TET3: variants seen among roughly 807,000 people sequenced by gnomAD.
The protein encoded by TET3 is tet methylcytosine dioxygenase 3, also known as methylcytosine dioxygenase TET3.
A neutral mutation model predicts 141.4 loss-of-function variants in TET3; 19 were observed. That is an observed-to-expected ratio of 0.13 (90% CI 0.09 to 0.20). TET3 has a LOEUF of 0.20. Among genes scored for constraint, TET3 ranks in the 10% least tolerant of loss-of-function variants. The pLI is 1.00. For synonymous variants in TET3, 1,043 were observed against 980.9 expected (o/e 1.06, Z -1.18); for missense variants, 1,874 against 2,356.9 (o/e 0.80, Z 4.24).
At chr2:74,022,977 A>G (rs370669669) in intron 3 of TET3, among the ~76,000 whole-genome samples, 1 of 151,900 alleles carries the variant, frequency 6.6e-6, no homozygotes, top group South Asian at 2.1e-4. Flanking sequence ...GGTTTCACCA[A>G]ATTGACCAGG....
intron 3 of TET3, among the ~76,000 whole-genome samples, chr2:74,026,034 G>T (rs1686331029): frequency 6.6e-6 from 1 of 152,206 alleles, no homozygotes. Flanking sequence ...CTAGTTGTGT[G>T]TCATCAGCAA....
chr2:74,047,875 G>T lies in TET3; in HGVS notation c.1958G>T (p.Gly653Val), dbSNP rs549222166. 6 of 1,612,932 alleles carry T rather than the reference G, an allele frequency of 3.7e-6. No homozygotes were observed. In the African/African-American group the frequency reaches 5.3e-5, roughly 14 times the overall value. The change falls in exon 4 of 12, where the codon GGC becomes GTC. Residue 653 changes from glycine to valine, a missense_variant. By Grantham distance (109) the Gly-to-Val change is moderately radical (BLOSUM62 -3). This residue lies in a region of TET3 where 484 missense variants were observed against 462.2 expected (regional missense o/e 1.05). Coordinates refer to ENST00000409262, the MANE Select transcript of TET3 (RefSeq NM_001287491.2). ...HPPAPLPASQ[G>V]SAVPLPPEPS... is the part of the protein sequence containing the mutation. ...CCGGCCCCTCTGCCTGCCTCACAGG[G>T]CTCTGCTGTGCCCCTGCCCCCAGAA...
At chr2:73,987,845 G>C (rs1410953107) in intron 2 of TET3, among the ~76,000 whole-genome samples, 5 of 152,212 alleles carry the variant, frequency 3.3e-5, no homozygotes, top group Admixed American at 6.5e-5. Flanking sequence ...GGCTGGCGTT[G>C]GGCTGGCAGC....
At chr2:74,134,418 C>T in the TET3 span, 2 of 277,134 alleles carry the variant, frequency 7.2e-6, no homozygotes, top group East Asian at 1.9e-4. Flanking sequence ...AAAACGGGGG[C>T]ACAATGTATG....
chr2:74,083,564 ATC>A (rs1689951854), intron 6 of TET3, among the ~76,000 whole-genome samples: 1 of 152,192 alleles, frequency 6.6e-6, no homozygotes, highest in Non-Finnish European at 1.5e-5. Flanking sequence ...AGTTGGAGCC[ATC>A]TCTCTTGCTC....
In TET3 at chr2:74,073,680, G is replaced by A. The variant is rs191910848; in HGVS notation, c.2585+41G>A. On this transcript the variant is annotated intron_variant, in intron 5 of 11. Coordinates refer to ENST00000409262, the MANE Select transcript of TET3 (RefSeq NM_001287491.2). ...ATGTCCAAGGAGAAATGGATGTGCT[G>A]TTAATGGAATACGGATATTAAGCGC... 121 of 1,499,942 alleles carry A rather than the reference G, an allele frequency of 8.1e-5. 2 individuals carry two copies. In the East Asian group the frequency reaches 2.1e-3, roughly 26 times the overall value. The allele number at this position is 1,499,942 out of a possible 1,614,324, so 92.9% of individuals were successfully genotyped here.
intron 3 of TET3, among the ~76,000 whole-genome samples, chr2:74,018,130 AC>A (rs1174353364): frequency 6.6e-6 from 1 of 151,296 alleles, no homozygotes; most frequent in Non-Finnish European, 1.5e-5. Context: ...ACCGTGCCCG[AC>A]TAATTTTGTA....
chr2:74,073,403 G>A lies in TET3; in HGVS notation c.2495-146G>A, dbSNP rs1460892274. The A allele has an allele frequency of 7.5e-6, 4 of 533,028 alleles. No homozygotes were observed. In the East Asian group the frequency reaches 9.6e-5, roughly 13 times the overall value. 33.0% of individuals were successfully genotyped at this position (533,028 alleles called of 1,614,324 possible). A position where few individuals can be genotyped will look rare whatever the true frequency, so the allele number is the denominator to read the frequency against. On this transcript the variant is annotated intron_variant, in intron 4 of 11. Coordinates refer to ENST00000409262, the MANE Select transcript of TET3 (RefSeq NM_001287491.2). ...TTTGTATTTCCTGATTTCTAATGGA[G>A]TTGAACACCTTTTCACATGTTCATA...
At chr2:74,050,631 C>CCT (rs1436602033) in intron 4 of TET3, among the ~76,000 whole-genome samples, 1 of 152,122 alleles carries the variant, frequency 6.6e-6, no homozygotes, top group East Asian at 1.9e-4. Context: ...CTCACTGTAG[C>CCT]CTCCACTTCC....
chr2:74,063,607 C>T (rs1413839238), intron 4 of TET3, among the ~76,000 whole-genome samples: 4 of 151,978 alleles, frequency 2.6e-5, no homozygotes, highest in Admixed American at 2.6e-4. Context: ...GTAAAATAGA[C>T]TTATAGAAGT....
intron 6 of TET3, among the ~76,000 whole-genome samples, chr2:74,082,261 T>G (rs1689877125): frequency 6.6e-6 from 1 of 152,164 alleles, no homozygotes. Flanking sequence ...AGGGCTCGTG[T>G]GGCCCCACTG....
intron 3 of TET3, among the ~76,000 whole-genome samples, chr2:74,037,599 GC>G (rs1687137754): frequency 6.6e-6 from 1 of 152,200 alleles, no homozygotes; most frequent in South Asian, 2.1e-4. Flanking sequence ...AGATTCCTTT[GC>G]AGAGAATGGG....
chr2:74,108,085 AAAC>A lies in TET3; in HGVS notation c.*5913_*5915del, dbSNP rs1428385946. 6.5e-6 allele frequency: 1 copy of A among 153,810 alleles called. No individual in the cohort carries two copies. Among genetic ancestry groups the A allele is most frequent in the Non-Finnish European group, 1.5e-5 (1 of 68,054 alleles). The allele number at this position is 153,810 out of a possible 1,614,324, so 9.5% of individuals were successfully genotyped here. A position where few individuals can be genotyped will look rare whatever the true frequency, so the allele number is the denominator to read the frequency against. The stretch of plus-strand genomic sequence containing the variant: ...ATTTGTATTTTATTATAATTTACAC[AAAC>A]AACTGGGTTTGTGAACTGTATTACT... On this transcript the variant is annotated 3_prime_UTR_variant, in exon 12 of 12. Transcript: ENST00000409262.
intron 3 of TET3, among the ~76,000 whole-genome samples, chr2:74,024,946 C>T (rs780471202): frequency 1.3e-5 from 2 of 152,036 alleles, no homozygotes; most frequent in East Asian, 2.0e-4. Flanking sequence ...GGCCAGGCGC[C>T]GTGGTGGTGG....
rs933869576 is a variant in TET3, at chr2:74,003,141, C to T, written c.335C>T (p.Pro112Leu). 3.0e-5 allele frequency: 46 copies of T among 1,550,276 alleles called. No individual in the cohort carries two copies. Among genetic ancestry groups the T allele is most frequent in the Admixed American group, 7.8e-5 (4 of 50,976 alleles). The stretch of plus-strand genomic sequence containing the variant: ...ATAAAGGCTGGTGAAGGAGCCGGGC[C>T]GTGGGGACAAGGAGCGGCTGTCAAG... ...VEIKAGEGAG[P>L]WGQGAAVKTG... Residue 112 changes from proline to leucine, a missense_variant, in exon 3 of 12, where the codon CCG becomes CTG. Physicochemically the swap from Pro to Leu is moderately conservative, Grantham distance 98. Around this residue, in one of 10 missense-constraint regions of TET3, gnomAD observed 366 missense variants for 487.0 expected, o/e 0.75. Transcript: ENST00000409262.
intron 4 of TET3, among the ~76,000 whole-genome samples, chr2:74,052,532 T>C (rs1457720932): frequency 1.1e-5 from 1 of 95,150 alleles, no homozygotes; most frequent in Non-Finnish European, 2.0e-5. Context: ...AACAACTTTA[T>C]AAAAGCATAC....
chr2:74,072,127 T>A lies in TET3; in HGVS notation c.2495-1422T>A, dbSNP rs139251221. On this transcript the variant is annotated intron_variant, in intron 4 of 11. Coordinates refer to ENST00000409262, the MANE Select transcript of TET3 (RefSeq NM_001287491.2). ...CAGCCTCTGGCAACAACCACCAGTT[T>A]GCCTTTTTGTTTCTATAGATTTACC... 8.0e-4 allele frequency among the ~76,000 whole-genome samples: 122 copies of A among 152,336 alleles called. 1 individual carries two copies. The highest frequency in any genetic ancestry group is 3.4e-3 in the Middle Eastern group (1 of 294).
chr2:73,984,874 C>G (rs1683916726), upstream of TET3, among the ~76,000 whole-genome samples: 1 of 147,048 alleles, frequency 6.8e-6, no homozygotes, highest in Non-Finnish European at 1.5e-5. The surrounding 1 kb of genome is among the most constrained non-coding windows in gnomAD (Gnocchi z 5.6). Flanking sequence ...GGGGGAGTCC[C>G]CGGGCGAGCA....
At chr2:74,028,387 A>G (rs529645514) in intron 3 of TET3, among the ~76,000 whole-genome samples, 1 of 152,226 alleles carries the variant, frequency 6.6e-6, no homozygotes, top group East Asian at 1.9e-4. Context: ...TATCTGAGAA[A>G]GTTCTGCCTA....
Sources: gnomAD v4.1 joint callset for allele counts (sites outside exome capture counted in the v4.1 genomes callset) on GRCh38, gnomAD v4.1.1 for gene constraint, gnomAD v4.1.1 regional missense constraint, Gnocchi (gnomAD v3.1) non-coding constraint, MANE v1.5 for transcripts, NCBI Gene and HGNC (gene_info 2026-07-23, HGNC 2026-07-21) for gene names.